CCBE1: variants seen among roughly 807,000 people sequenced by gnomAD.
The protein encoded by CCBE1 is collagen and calcium binding EGF domains 1.
A neutral mutation model predicts 50.0 loss-of-function variants in CCBE1; 37 were observed. That is an observed-to-expected ratio of 0.74 (90% CI 0.57 to 0.97). The LOEUF (loss-of-function observed/expected upper bound fraction) is 0.97. Among genes scored for constraint, CCBE1 ranks in the 50% least tolerant of loss-of-function variants. The pLI, the probability that CCBE1 is intolerant of heterozygous loss-of-function variation, is 0.00. For missense variants in CCBE1, 538 were observed against 523.8 expected, an observed-to-expected ratio of 1.03 and a Z score of -0.26; for synonymous variants, 234 against 203.7, an observed-to-expected ratio of 1.15 and a Z score of -1.27.
intron 2 of CCBE1, among the ~76,000 whole-genome samples, chr18:59,518,817 C>T (rs986395760): frequency 2.0e-5 from 3 of 152,182 alleles, no homozygotes; most frequent in Non-Finnish European, 4.4e-5. Context: ...TCTGCACACC[C>T]GCTGGCAGCC....
intron 2 of CCBE1, among the ~76,000 whole-genome samples, chr18:59,572,279 T>A (rs934773120): frequency 6.6e-6 from 1 of 152,224 alleles, no homozygotes; most frequent in Non-Finnish European, 1.5e-5. Context: ...TTATTGTAGC[T>A]GTCACAAATT....
At chr18:59,662,635 G>A (rs1244896968) in intron 2 of CCBE1, among the ~76,000 whole-genome samples, 1 of 152,174 alleles carries the variant, frequency 6.6e-6, no homozygotes, top group South Asian at 2.1e-4. Context: ...CATTGAAGGA[G>A]GCCATAATCT....
chr18:59,659,285 G>T (rs894640065), intron 2 of CCBE1, among the ~76,000 whole-genome samples: 4 of 142,516 alleles, frequency 2.8e-5, no homozygotes, highest in African/African-American at 1.1e-4. Flanking sequence ...TACATTAAAA[G>T]AATTTACATG....
rs148616804 is a variant in CCBE1, at chr18:59,583,295, C to T, written c.213-103057G>A. 2.0e-5 allele frequency among the ~76,000 whole-genome samples: 3 copies of T among 152,266 alleles called. No individual in the cohort carries two copies. In the East Asian group the frequency reaches 5.8e-4, roughly 29 times the overall value. On this transcript the variant is annotated intron_variant, in intron 2 of 10. Coordinates refer to ENST00000439986, the MANE Select transcript of CCBE1 (RefSeq NM_133459.4). Reference sequence around the variant, plus strand: ...ACAAAACAAACAAAAAAACCCAGAACACATAGCCTAAACTCTACTGAAGAT... The same window carrying T: ...ACAAAACAAACAAAAAAACCCAGAATACATAGCCTAAACTCTACTGAAGAT...
chr18:59,615,735 C>G (rs199936469), intron 2 of CCBE1, among the ~76,000 whole-genome samples: 2 of 152,166 alleles, frequency 1.3e-5, no homozygotes, highest in East Asian at 3.9e-4. Context: ...TCCACTAATC[C>G]CCCCTACTCC....
chr18:59,454,448 G>A (rs1303425636), intron 6 of CCBE1, among the ~76,000 whole-genome samples: 2 of 152,178 alleles, frequency 1.3e-5, no homozygotes, highest in African/African-American at 4.8e-5. Flanking sequence ...GTTTAACCAT[G>A]TTAGCTAGGC....
intron 2 of CCBE1, among the ~76,000 whole-genome samples, chr18:59,560,074 C>T (rs889681814): frequency 1.3e-5 from 2 of 152,240 alleles, no homozygotes; most frequent in African/African-American, 2.4e-5. Context: ...GGTTTAGAAG[C>T]AGCAGTGCCC....
chr18:59,455,642 A>G lies in CCBE1; in HGVS notation c.554-691T>C, dbSNP rs575615026. On this transcript the variant is annotated intron_variant, in intron 5 of 10. Transcript: ENST00000439986. ...GGTGAAGTAAATGGTGATCTGGCCA[A>G]GAATACAGACAGCTCTCTTCTTCCT... is the stretch of plus-strand genomic sequence containing the variant. 7.3e-4 allele frequency among the ~76,000 whole-genome samples: 111 copies of G among 152,376 alleles called. 1 individual carries two copies. Among genetic ancestry groups the G allele is most frequent in the African/African-American group, 2.5e-3 (106 of 41,600 alleles).
At chr18:59,619,099 C>A (rs2053677461) in intron 2 of CCBE1, among the ~76,000 whole-genome samples, 1 of 152,048 alleles carries the variant, frequency 6.6e-6, no homozygotes, top group Non-Finnish European at 1.5e-5. Flanking sequence ...TGTATTTAGC[C>A]TCAAAGTATC....
At chr18:59,657,821 G>A (rs2054211178) in intron 2 of CCBE1, among the ~76,000 whole-genome samples, 1 of 152,172 alleles carries the variant, frequency 6.6e-6, no homozygotes, top group Non-Finnish European at 1.5e-5. Context: ...AACCCGGGAG[G>A]TGGAGGTTGC....
In CCBE1 at chr18:59,500,541, C is replaced by T. The variant is rs150802371; in HGVS notation, c.213-20303G>A. Among the ~76,000 whole-genome samples the T allele has an allele frequency of 1.5e-3, 227 of 152,218 alleles. 3 individuals carry two copies. The highest frequency in any genetic ancestry group is 2.0e-3 in the Admixed American group (31 of 15,280). On this transcript the variant is annotated intron_variant, in intron 2 of 10. Coordinates refer to ENST00000439986, the MANE Select transcript of CCBE1 (RefSeq NM_133459.4). ...AGCCAGGGGTAACAGCTGGCTTCAT[C>T]CAGAACTGTCAATGACACCCTCCAA...
chr18:59,681,823 A>G (rs1278920280), intron 2 of CCBE1, among the ~76,000 whole-genome samples: 1 of 152,238 alleles, frequency 6.6e-6, no homozygotes. Context: ...CTGATTAGAG[A>G]TAAGTACTGC....
chr18:59,537,103 T>A (rs1598990005), intron 2 of CCBE1, among the ~76,000 whole-genome samples: 1 of 152,150 alleles, frequency 6.6e-6, no homozygotes, highest in South Asian at 2.1e-4. Context: ...AGACCTCTGA[T>A]CTTATCAGCT....
chr18:59,695,468 C>A (rs2054793390), intron 2 of CCBE1, among the ~76,000 whole-genome samples: 1 of 152,160 alleles, frequency 6.6e-6, no homozygotes, highest in African/African-American at 2.4e-5. Context: ...CTTTCCTAAG[C>A]CCAAGGAGTG....
At chr18:59,629,104 G>A (rs1487998055) in intron 2 of CCBE1, among the ~76,000 whole-genome samples, 1 of 152,052 alleles carries the variant, frequency 6.6e-6, no homozygotes, top group Non-Finnish European at 1.5e-5. Flanking sequence ...ACTCTCCAAG[G>A]GCTCCCATGC....
intron 2 of CCBE1, among the ~76,000 whole-genome samples, chr18:59,627,164 C>G (rs2053795666): frequency 6.6e-6 from 1 of 152,180 alleles, no homozygotes; most frequent in African/African-American, 2.4e-5. Context: ...AAATTCCAGT[C>G]ACTCCCTCTC....
intron 2 of CCBE1, among the ~76,000 whole-genome samples, chr18:59,610,800 C>T (rs1163447530): frequency 6.6e-6 from 1 of 152,216 alleles, no homozygotes; most frequent in Non-Finnish European, 1.5e-5. Flanking sequence ...GTGCATTCTT[C>T]ACAGAGCCAG....
chr18:59,481,581 C>T (rs1184504447), intron 2 of CCBE1, among the ~76,000 whole-genome samples: 1 of 152,166 alleles, frequency 6.6e-6, no homozygotes, highest in African/African-American at 2.4e-5. Flanking sequence ...AGAAAAATTA[C>T]ACATGATATA....
intron 2 of CCBE1, among the ~76,000 whole-genome samples, chr18:59,661,868 G>A (rs2054290669): frequency 6.6e-6 from 1 of 151,816 alleles, no homozygotes; most frequent in Non-Finnish European, 1.5e-5. Flanking sequence ...TTGGGAGGCT[G>A]AGGCAGGAGA....
Sources: gnomAD v4.1 joint callset for allele counts (sites outside exome capture counted in the v4.1 genomes callset) on GRCh38, gnomAD v4.1.1 for gene constraint, MANE v1.5 for transcripts, NCBI Gene and HGNC (gene_info 2026-07-23, HGNC 2026-07-21) for gene names.